CACNA1C: variants seen among roughly 807,000 people sequenced by gnomAD.
CACNA1C encodes voltage-dependent L-type calcium channel subunit alpha-1C.
In CACNA1C, 30 loss-of-function variants were observed where a neutral mutation model predicts 229.0. That is an observed-to-expected ratio of 0.13 (90% CI 0.10 to 0.18). The LOEUF (loss-of-function observed/expected upper bound fraction) is 0.18. Among genes scored for constraint, CACNA1C ranks in the 10% least tolerant of loss-of-function variants. CACNA1C has a pLI of 1.00. For missense variants in CACNA1C, 1,658 were observed against 2,845.0 expected (o/e 0.58, Z 9.49); for synonymous variants, 1,114 against 1,132.5 (o/e 0.98, Z 0.33).
chr12:2,470,655 C>T (rs1215599663), intron 5 of CACNA1C, among the ~76,000 whole-genome samples: 1 of 152,168 alleles, frequency 6.6e-6, no homozygotes, highest in African/African-American at 2.4e-5. Context: ...AAAATTACAC[C>T]TGCCTGCTTC....
rs1262811299 is a variant in CACNA1C, at chr12:2,152,864, G to T, written c.477+32434G>T. On this transcript the variant is annotated intron_variant, in intron 3 of 46. Transcript: ENST00000399655. The surrounding 1 kb of genome is among the most constrained non-coding windows in gnomAD (Gnocchi z 4.2). ...TGTGCCCGGTAGGAAAGATTGGTAG[G>T]TCCCACTGGTCCCGAGTGTCCTACG... Among the ~76,000 whole-genome samples, 1 of 152,120 alleles carries T rather than the reference G, an allele frequency of 6.6e-6. No homozygotes were observed. Among genetic ancestry groups the T allele is most frequent in the East Asian group, 1.9e-4 (1 of 5,184 alleles).
At chr12:2,043,889 T>C (rs575043919) in intron 1 of CACNA1C, among the ~76,000 whole-genome samples, 119 of 150,986 alleles carry the variant, frequency 7.9e-4, no homozygotes, top group Non-Finnish European at 1.1e-3. Flanking sequence ...TCTCCTGACC[T>C]CATGATCCAC....
rs145706447 is a variant in CACNA1C, at chr12:2,287,678, C to T, written c.478-161298C>T. On this transcript the variant is annotated intron_variant, in intron 3 of 46. Transcript: ENST00000399655. This position sits in a 1 kb window ranked among gnomAD's most constrained non-coding sequence, Gnocchi z 4.6. ...TGCCAGGATCCTACAGTCTACTCCA[C>T]GCCCTTCATTTTCAAACTTGAGTGG... Among the ~76,000 whole-genome samples the T allele has an allele frequency of 9.5e-3, 1,443 of 152,310 alleles. 17 individuals are homozygous for T. Among genetic ancestry groups the T allele is most frequent in the African/African-American group, 0.033 (1,383 of 41,554 alleles).
intron 3 of CACNA1C, among the ~76,000 whole-genome samples, chr12:2,162,272 C>T (rs1352005983): frequency 6.6e-6 from 1 of 151,896 alleles, no homozygotes; most frequent in Admixed American, 6.6e-5. Flanking sequence ...CCATTCGAGG[C>T]CTCCCTGTCC....
At chr12:2,047,136 T>C (rs956576) in intron 1 of CACNA1C, among the ~76,000 whole-genome samples, 52,370 of 152,066 alleles carry the variant, frequency 0.34, 9,801 homozygotes, top group East Asian at 0.6. Context: ...GTTCAAATCC[T>C]GATTCTATAA....
At chr12:2,322,664 T>G (rs916652182) in intron 3 of CACNA1C, among the ~76,000 whole-genome samples, 1 of 152,212 alleles carries the variant, frequency 6.6e-6, no homozygotes, top group African/African-American at 2.4e-5. Flanking sequence ...TCTCCCTTCC[T>G]TCTGCTCACC....
At position 2,016,149 on chromosome 12, in the gene CACNA1C, C is replaced by T. The variant is rs996604957; in HGVS notation, c.139+44948C>T. 2.6e-5 allele frequency among the ~76,000 whole-genome samples: 4 copies of T among 152,240 alleles called. No homozygotes were observed. The South Asian group carries it at 6.2e-4, about 24-fold the overall frequency. ...ACATGAATGACTTCATTTCTTAGTT[C>T]GGTGTCTCCTGGTTGAAATCATTCA... On this transcript the variant is annotated intron_variant, in intron 1 of 46. Coordinates refer to the CACNA1C transcript ENST00000682462.
chr12:2,687,857 A>G (rs1311523293), intron 45 of CACNA1C, among the ~76,000 whole-genome samples: 2 of 152,222 alleles, frequency 1.3e-5, no homozygotes, highest in Non-Finnish European at 2.9e-5. Context: ...TTTAATCACA[A>G]TACAGCACCG....
rs955458867 is a variant in CACNA1C at position 2,067,467 on chromosome 12, T to TGCGC, written c.49+13857_49+13858insCGCG. Reference sequence around the variant, plus strand: ...GGATGCACGTGTGTGTGTGTGTGTGTGTGTGTGTGTGTGTGCGCGCGTGTG... The same window carrying TGCGC: ...GGATGCACGTGTGTGTGTGTGTGTGTGCGCGTGTGTGTGTGTGTGCGCGCGTGTG... On this transcript the variant is annotated intron_variant, in intron 1 of 46. Transcript: ENST00000399655. This position sits in a 1 kb window ranked among gnomAD's most constrained non-coding sequence, Gnocchi z 5.3. 8.2e-6 allele frequency among the ~76,000 whole-genome samples: 1 copy of TGCGC among 122,006 alleles called. No homozygotes were observed. The highest frequency in any genetic ancestry group is 2.8e-5 in the African/African-American group (1 of 35,424). 80.0% of individuals were successfully genotyped at this position (122,006 alleles called of 152,430 possible).
rs1278654706 is a variant in CACNA1C, at chr12:2,649,464, C to G, written c.3945+957C>G. 6.6e-6 allele frequency among the ~76,000 whole-genome samples: 1 copy of G among 152,216 alleles called. No homozygotes were observed. The highest frequency in any genetic ancestry group is 2.1e-4 in the South Asian group (1 of 4,834). On this transcript the variant is annotated intron_variant, in intron 31 of 46. Transcript: ENST00000399655. The surrounding 1 kb of genome is among the most constrained non-coding windows in gnomAD (Gnocchi z 4.4). Reference sequence around the variant, plus strand: ...ACAGGAAAGGCTGAGCCCGGGTGCTCTACCCCGCTTCCTGGGGACTCTGCT... The same window carrying G: ...ACAGGAAAGGCTGAGCCCGGGTGCTGTACCCCGCTTCCTGGGGACTCTGCT...
rs888370834 is a variant in CACNA1C at position 2,597,910 on chromosome 12, G to A, written c.2853+621G>A. On this transcript the variant is annotated intron_variant, in intron 21 of 46. Transcript: ENST00000399655. The surrounding 1 kb of genome is among the most constrained non-coding windows in gnomAD (Gnocchi z 4.3). ...CCTGCTTCATACACTCTGAAAGTGG[G>A]AAACCTCCTGGGGCGTGAAAGAATC... 3.9e-5 allele frequency among the ~76,000 whole-genome samples: 6 copies of A among 152,200 alleles called. No homozygotes were observed. Among genetic ancestry groups the A allele is most frequent in the African/African-American group, 1.4e-4 (6 of 41,446 alleles).
intron 38 of CACNA1C, among the ~76,000 whole-genome samples, chr12:2,673,434 C>T (rs1489399570): frequency 1.3e-5 from 2 of 149,130 alleles, no homozygotes; most frequent in Non-Finnish European, 3.0e-5. Context: ...CCATTGCACT[C>T]CAGCCTGGGC....
intron 4 of CACNA1C, among the ~76,000 whole-genome samples, chr12:2,453,374 G>A (rs982348073): frequency 3.7e-4 from 57 of 152,252 alleles, no homozygotes; most frequent in African/African-American, 1.3e-3. Context: ...AATGAAAGCT[G>A]TCCTGGTTCA....
At chr12:2,254,233 T>C (rs1227928080) in intron 3 of CACNA1C, among the ~76,000 whole-genome samples, 1 of 152,100 alleles carries the variant, frequency 6.6e-6, no homozygotes, top group Non-Finnish European at 1.5e-5. Context: ...TCCCTCCAGT[T>C]GTTCTCAGGG....
chr12:2,223,629 A>T (rs1108221), intron 3 of CACNA1C: 53,598 of 152,008 alleles, frequency 0.35, 9,966 homozygotes, highest in African/African-American at 0.44. Context: ...AGAGGTATTA[A>T]TCTAGAGTTT....
chr12:2,322,243 C>T (rs567390140), intron 3 of CACNA1C, among the ~76,000 whole-genome samples: 11 of 152,320 alleles, frequency 7.2e-5, no homozygotes, highest in Admixed American at 2.0e-4. Context: ...GTGAATCGGG[C>T]TGAATCACAG....
chr12:2,483,505 C>T (rs2099684880), intron 5 of CACNA1C, among the ~76,000 whole-genome samples: 1 of 152,118 alleles, frequency 6.6e-6, no homozygotes, highest in East Asian at 1.9e-4. Context: ...TGAGTCATTG[C>T]TTTTTTCTTC....
chr12:2,192,367 T>A (rs898668943), intron 3 of CACNA1C, among the ~76,000 whole-genome samples: 1 of 152,090 alleles, frequency 6.6e-6, no homozygotes, highest in African/African-American at 2.4e-5. Context: ...AGTTCAGCCC[T>A]CTCCAGTCCC....
intron 1 of CACNA1C, among the ~76,000 whole-genome samples, chr12:2,039,864 TC>T (rs34317827): frequency 0.25 from 38,262 of 151,946 alleles, 6,389 homozygotes; most frequent in African/African-American, 0.47. Flanking sequence ...GTTCTTGGGT[TC>T]CTGTGGGGCA....
Sources: gnomAD v4.1 joint callset for allele counts (sites outside exome capture counted in the v4.1 genomes callset) on GRCh38, gnomAD v4.1.1 for gene constraint, Gnocchi (gnomAD v3.1) non-coding constraint, MANE v1.5 for transcripts, NCBI Gene and HGNC (gene_info 2026-07-23, HGNC 2026-07-21) for gene names.